The following OPCML variants were observed in gnomAD, a reference collection of about 807,000 sequenced individuals.
The protein encoded by OPCML is opioid binding protein/cell adhesion molecule like.
In OPCML, 13 loss-of-function variants were observed where a neutral mutation model predicts 37.8. The observed-to-expected ratio is 0.34, with a 90% CI of 0.22 to 0.55. The LOEUF is 0.55. OPCML is among the 20% of genes least tolerant of loss of function. OPCML has a pLI of 0.91. For missense variants in OPCML, 341 were observed against 435.6 expected (o/e 0.78, Z 1.93); for synonymous variants, 176 against 168.8 (o/e 1.04, Z -0.33).
chr11:133,091,862 A>C (rs1032465245), intron 1 of OPCML, among the ~76,000 whole-genome samples: 19 of 152,158 alleles, frequency 1.2e-4, no homozygotes, highest in African/African-American at 4.6e-4. Flanking sequence ...GCTGAAATGC[A>C]TTAAGACTTT....
At chr11:132,847,052 A>G (rs530681289) in intron 2 of OPCML, among the ~76,000 whole-genome samples, 52 of 152,334 alleles carry the variant, frequency 3.4e-4, no homozygotes, top group African/African-American at 1.1e-3. Flanking sequence ...CTAATGGGCA[A>G]TAGATAATAT....
intron 2 of OPCML, among the ~76,000 whole-genome samples, chr11:132,660,999 T>C (rs544016759): frequency 6.6e-6 from 1 of 152,288 alleles, no homozygotes; most frequent in Admixed American, 6.5e-5. Flanking sequence ...GACCAACCAC[T>C]TCAGGTTGAG....
At chr11:132,674,106 G>A (rs1280877310) in intron 2 of OPCML, among the ~76,000 whole-genome samples, 1 of 152,192 alleles carries the variant, frequency 6.6e-6, no homozygotes, top group Non-Finnish European at 1.5e-5. Context: ...TAATAAACCA[G>A]GCCAGGAGGT....
intron 1 of OPCML, among the ~76,000 whole-genome samples, chr11:133,515,568 AGAACAG>A (rs1948249417): frequency 6.6e-6 from 1 of 152,218 alleles, no homozygotes; most frequent in African/African-American, 2.4e-5. Context: ...ATAACAATCA[AGAACAG>A]GAACAGTACT....
chr11:133,184,682 T>C (rs752799490), intron 1 of OPCML, among the ~76,000 whole-genome samples: 2 of 152,194 alleles, frequency 1.3e-5, no homozygotes, highest in Non-Finnish European at 2.9e-5. Flanking sequence ...TTCCGTTCAG[T>C]AGGACAGTAG....
intron 2 of OPCML, among the ~76,000 whole-genome samples, chr11:132,926,448 G>A (rs1331426707): frequency 1.3e-5 from 2 of 152,080 alleles, no homozygotes; most frequent in Admixed American, 1.3e-4. Context: ...GAGACTCTTT[G>A]AGAAATTGAG....
intron 1 of OPCML, among the ~76,000 whole-genome samples, chr11:133,217,392 T>C (rs528690585): frequency 3.5e-4 from 53 of 152,210 alleles, no homozygotes; most frequent in Non-Finnish European, 5.7e-4. Context: ...AAGGTTTGCA[T>C]TCCTGAAGCT....
chr11:132,856,144 A>C (rs1942045854), intron 2 of OPCML, among the ~76,000 whole-genome samples: 1 of 152,212 alleles, frequency 6.6e-6, no homozygotes, highest in African/African-American at 2.4e-5. Flanking sequence ...AATTTGCTTT[A>C]TAAATAATGT....
chr11:132,847,890 C>T (rs528949903), intron 2 of OPCML, among the ~76,000 whole-genome samples: 73 of 152,250 alleles, frequency 4.8e-4, no homozygotes, highest in African/African-American at 1.7e-3. Context: ...GCTTCAAGTT[C>T]CAGCTTCCCA....
chr11:132,623,473 T>G (rs558072847), intron 3 of OPCML, among the ~76,000 whole-genome samples: 1 of 152,188 alleles, frequency 6.6e-6, no homozygotes, highest in Non-Finnish European at 1.5e-5. Context: ...AATGAGCATT[T>G]TATTGCTTCT....
At chr11:132,562,477 A>G (rs112020685) in intron 3 of OPCML, among the ~76,000 whole-genome samples, 26 of 152,236 alleles carry the variant, frequency 1.7e-4, no homozygotes, top group African/African-American at 6.3e-4. Context: ...TTTCTTTTCT[A>G]CTAGTCCAGA....
At chr11:132,625,648 T>C (rs1220838511) in intron 3 of OPCML, among the ~76,000 whole-genome samples, 1 of 152,260 alleles carries the variant, frequency 6.6e-6, no homozygotes, top group African/African-American at 2.4e-5. Context: ...ACACCAATGT[T>C]GTAGGAGTTG....
intron 1 of OPCML, among the ~76,000 whole-genome samples, chr11:133,241,222 C>A (rs1230891891): frequency 2.0e-5 from 3 of 152,222 alleles, no homozygotes; most frequent in Non-Finnish European, 2.9e-5. Flanking sequence ...CTTCCTCCAT[C>A]GTTAACACTC....
At chr11:132,476,788 T>C (rs2096157663) in intron 4 of OPCML, among the ~76,000 whole-genome samples, 1 of 151,816 alleles carries the variant, frequency 6.6e-6, no homozygotes, top group African/African-American at 2.4e-5. Flanking sequence ...CATGTATACA[T>C]ATGTAACAAA....
At chr11:132,899,861 C>A (rs1412690013) in intron 2 of OPCML, among the ~76,000 whole-genome samples, 1 of 152,094 alleles carries the variant, frequency 6.6e-6, no homozygotes, top group Non-Finnish European at 1.5e-5. Flanking sequence ...TTCTCCTGCC[C>A]TTGGTCAGCA....
intron 3 of OPCML, among the ~76,000 whole-genome samples, chr11:132,593,427 G>A (rs189163310): frequency 3.9e-5 from 6 of 152,226 alleles, no homozygotes; most frequent in East Asian, 3.9e-4. Context: ...GGCAAGGAGC[G>A]TCCATTGTAT....
chr11:132,427,893 C>A (rs2136686489), intron 7 of OPCML, among the ~76,000 whole-genome samples: 1 of 152,294 alleles, frequency 6.6e-6, no homozygotes, highest in East Asian at 1.9e-4. Flanking sequence ...ACTATGTTGA[C>A]ATTTTGCAGG....
In OPCML at chr11:133,174,541, G is replaced by C. The variant is rs1162948191; in HGVS notation, c.62-231531C>G. On this transcript the variant is annotated intron_variant, in intron 1 of 7. Transcript: ENST00000524381. The surrounding 1 kb of genome is among the most constrained non-coding windows in gnomAD (Gnocchi z 4.6). ...AATAGTGGAGGACTGGAAGCAACCT[G>C]CATACCCAAAAATAGTCGAAAAGAG... Among the ~76,000 whole-genome samples, 1 of 150,754 alleles carries C rather than the reference G, an allele frequency of 6.6e-6. No individual in the cohort carries two copies. Among genetic ancestry groups the C allele is most frequent in the Non-Finnish European group, 1.5e-5 (1 of 67,910 alleles).
intron 1 of OPCML, among the ~76,000 whole-genome samples, chr11:133,001,030 C>A (rs907555307): frequency 1.3e-4 from 20 of 152,164 alleles, no homozygotes; most frequent in African/African-American, 3.9e-4. Flanking sequence ...TCCCTGAGGC[C>A]TCACTAGAAG....
Sources: gnomAD v4.1 joint callset for allele counts (sites outside exome capture counted in the v4.1 genomes callset) on GRCh38, gnomAD v4.1.1 for gene constraint, Gnocchi (gnomAD v3.1) non-coding constraint, MANE v1.5 for transcripts, NCBI Gene and HGNC (gene_info 2026-07-23, HGNC 2026-07-21) for gene names.